Variants in GARS1 observed in about 807,000 individuals in gnomAD.
GARS1 encodes the protein glycyl-tRNA synthetase 1.
In GARS1, 46 loss-of-function variants were observed where a neutral mutation model predicts 86.4. The ratio of observed to expected loss-of-function variants is 0.53; its 90% CI spans 0.42 to 0.68. The LOEUF (loss-of-function observed/expected upper bound fraction) is 0.68, where lower values mean the gene tolerates loss of function less well. Among genes scored for constraint, GARS1 ranks in the 30% least tolerant of loss-of-function variants. GARS1 has a pLI of 0.00. For missense variants in GARS1, 797 were observed against 915.6 expected, an observed-to-expected ratio of 0.87 and a Z score of 1.67; for synonymous variants, 342 against 329.8, an observed-to-expected ratio of 1.04 and a Z score of -0.40.
chr7:30,628,254 G>T (rs574178047), intron 13 of GARS1, among the ~76,000 whole-genome samples: 34 of 150,926 alleles, frequency 2.3e-4, no homozygotes, highest in African/African-American at 8.0e-4. Flanking sequence ...GCACGATCTT[G>T]GTTCACTGCA....
intron 12 of GARS1, chr7:30,622,779 T>G (rs1783042343): frequency 8.2e-6 from 3 of 364,620 alleles, no homozygotes; most frequent in Non-Finnish European, 1.6e-5. Flanking sequence ...TTTAGAATAC[T>G]CTCTGTAATT....
intron 14 of GARS1, among the ~76,000 whole-genome samples, chr7:30,630,048 A>C (rs1783205476): frequency 6.6e-6 from 1 of 152,262 alleles, no homozygotes. Flanking sequence ...CATCATGAAG[A>C]GAAATTTGAT....
intron 9 of GARS1, 46 bp from the exon 10 acceptor site, chr7:30,617,066 ATG>A: frequency 6.3e-7 from 1 of 1,591,078 alleles, no homozygotes; most frequent in African/African-American, 1.3e-5. Flanking sequence ...AAGAGTATTA[ATG>A]TGTGTTTTCT....
At position 30,621,453 on chromosome 7, in the gene GARS1, C is replaced by A. The variant is rs113958280; in HGVS notation, c.1420C>A (p.Arg474=). 575 of 1,614,092 alleles carry A rather than the reference C, an allele frequency of 3.6e-4. 4 individuals carry two copies. In the African/African-American group the frequency reaches 6.6e-3, roughly 18 times the overall value. Residue 474 remains arginine (R), a synonymous_variant, in exon 11 of 17, where the codon CGA becomes AGA. Coordinates refer to ENST00000389266, the MANE Select transcript of GARS1 (RefSeq NM_002047.4). Reference sequence around the variant, plus strand: ...CTGTTATGACCTCTCCTGTCATGCACGAGCCACCAAAGTCCCACTTGTAGC... The same window carrying A: ...CTGTTATGACCTCTCCTGTCATGCAAGAGCCACCAAAGTCCCACTTGTAGC... ...RSCYDLSCHA[R]ATKVPLVAEK... is the part of the protein sequence containing the mutation.
In GARS1 at chr7:30,604,688, C is replaced by T. The variant is rs565604455; in HGVS notation, c.735+1116C>T. Among the ~76,000 whole-genome samples, 63 of 152,230 alleles carry T rather than the reference C, an allele frequency of 4.1e-4. No homozygotes were observed. In the South Asian group the frequency reaches 0.012, roughly 28 times the overall value. On this transcript the variant is annotated intron_variant, in intron 6 of 16. Coordinates refer to ENST00000389266, the MANE Select transcript of GARS1 (RefSeq NM_002047.4). ...GTAATTTTATCCCTTGCTTGAAGCTCATTGTTTTAGTAATTACTCATGGTT... is the reference window on the plus strand; with the variant it reads ...GTAATTTTATCCCTTGCTTGAAGCTTATTGTTTTAGTAATTACTCATGGTT...
chr7:30,596,124 A>G (rs1052552862), intron 1 of GARS1, among the ~76,000 whole-genome samples: 1 of 152,234 alleles, frequency 6.6e-6, no homozygotes, highest in Non-Finnish European at 1.5e-5. Context: ...AGTAAACACC[A>G]AACGGGTTTC....
At position 30,616,077 on chromosome 7, in the gene GARS1, C is replaced by T; in HGVS notation, c.1194+19C>T. ...TGAACAGGTAGGATTCTGGAGGTAA[C>T]TTAACTTAGATTGTGCCTGTTCAGG... On this transcript the variant is annotated intron_variant, in intron 9 of 16. Transcript: ENST00000389266. The T allele has an allele frequency of 1.2e-6, 2 of 1,613,950 alleles. No individual in the cohort carries two copies. Among genetic ancestry groups the T allele is most frequent in the Non-Finnish European group, 1.7e-6 (2 of 1,179,900 alleles).
chr7:30,616,195 A>T, intron 9 of GARS1, 137 bp downstream of exon 9: 1 of 883,626 alleles, frequency 1.1e-6, no homozygotes, highest in Non-Finnish European at 1.8e-6. Context: ...GGTTTTGTAC[A>T]GAATTTGTTA....
At chr7:30,630,859 C>A (rs775225879) in intron 14 of GARS1, among the ~76,000 whole-genome samples, 1 of 152,110 alleles carries the variant, frequency 6.6e-6, no homozygotes, top group Non-Finnish European at 1.5e-5. Flanking sequence ...TATTTCAGGG[C>A]AGTTTAAGAA....
chr7:30,614,243 G>C (rs1185506833), intron 8 of GARS1: 2 of 148,462 alleles, frequency 1.3e-5, no homozygotes, highest in Non-Finnish European at 1.5e-5. Flanking sequence ...TTTTTTTTTA[G>C]TGGTGAGATC....
At chr7:30,594,812 G>A (rs575067868), upstream of GARS1, 35 of 943,502 alleles carry the variant, frequency 3.7e-5, no homozygotes, top group African/African-American at 5.6e-4. Flanking sequence ...GTGAATGTGC[G>A]GCAGCACGCG....
At position 30,609,606 on chromosome 7, in the gene GARS1, G is replaced by A. The variant is rs760051768; in HGVS notation, c.757G>A (p.Glu253Lys). The change falls in exon 7 of 17, where the codon GAA (glutamate) becomes AAA (lysine). Residue 253 changes from glutamate (E) to lysine (K), a missense_variant. By Grantham distance (56) the Glu-to-Lys change is moderately conservative (BLOSUM62 1). Around this residue, in one of 2 missense-constraint regions of GARS1, gnomAD observed 598 missense variants for 738.7 expected, o/e 0.81. Coordinates refer to ENST00000389266, the MANE Select transcript of GARS1 (RefSeq NM_002047.4). ...TTAGCTTGATAACTATGGACAGCAA[G>A]AACTTGCGGATCTTTTTGTGAACTA... ...LAQLDNYGQQ[E>K]LADLFVNYNV... The A allele has an allele frequency of 2.9e-5, 47 of 1,613,064 alleles. No individual in the cohort carries two copies. The highest frequency in any genetic ancestry group is 3.1e-5 in the Non-Finnish European group (37 of 1,179,388).
At chr7:30,596,320 AC>A (rs3840589) in intron 1 of GARS1, among the ~76,000 whole-genome samples, 2 of 152,312 alleles carry the variant, frequency 1.3e-5, no homozygotes, top group East Asian at 3.9e-4. Flanking sequence ...CACGGGCTTA[AC>A]TTTTTTCTTC....
intron 10 of GARS1, among the ~76,000 whole-genome samples, chr7:30,619,568 A>G (rs1207894570): frequency 6.6e-6 from 1 of 152,136 alleles, no homozygotes; most frequent in East Asian, 1.9e-4. Context: ...TATATGGTTA[A>G]GAACATAAGT....
At chr7:30,606,761 T>TA (rs1359696347) in intron 6 of GARS1, among the ~76,000 whole-genome samples, 5 of 152,220 alleles carry the variant, frequency 3.3e-5, no homozygotes, top group Non-Finnish European at 7.4e-5. Flanking sequence ...ACTTGGTACT[T>TA]ATTAGTGGGG....
chr7:30,599,139 C>T (rs1229609307), intron 2 of GARS1, among the ~76,000 whole-genome samples: 1 of 152,156 alleles, frequency 6.6e-6, no homozygotes, highest in Non-Finnish European at 1.5e-5. Context: ...GGACTCAATA[C>T]GCTATATGAA....
At chr7:30,602,097 T>C (rs1052997703) in intron 4 of GARS1, among the ~76,000 whole-genome samples, 3 of 151,172 alleles carry the variant, frequency 2.0e-5, no homozygotes, top group Non-Finnish European at 4.4e-5. Context: ...TATTTATTTA[T>C]TTATTTTTTG....
At position 30,603,505 on chromosome 7, in the gene GARS1, A is replaced by G. The variant is rs750901652; in HGVS notation, c.668A>G (p.Gln223Arg). ...RADHLLKAHL[Q>R]KLMSDKKCSV... ...AACACTGTTCTTACAGCTCATTTAC[A>G]GAAATTGATGTCTGATAAGAAGTGT... The change falls in exon 6 of 17, where the codon CAG becomes CGG. Residue 223 changes from glutamine (Q) to arginine (R), a missense_variant. This residue lies in a region of GARS1 where 598 missense variants were observed against 738.7 expected (regional missense o/e 0.81). Coordinates refer to ENST00000389266, the MANE Select transcript of GARS1 (RefSeq NM_002047.4). The G allele has an allele frequency of 2.5e-6, 4 of 1,613,532 alleles. No individual in the cohort carries two copies. The highest frequency in any genetic ancestry group is 4.5e-5 in the East Asian group (2 of 44,858).
chr7:30,600,964 T>G, intron 3 of GARS1, 95 bp from the exon 4 acceptor site: 1 of 1,154,296 alleles, frequency 8.7e-7, no homozygotes, highest in Non-Finnish European at 1.3e-6. Context: ...TGAATACACT[T>G]TTAGGGAGTA....
Sources: allele counts gnomAD v4.1 joint callset (sites outside exome capture counted in the v4.1 genomes callset), GRCh38; gene constraint gnomAD v4.1.1; regional missense constraint gnomAD v4.1.1; transcripts MANE v1.5; gene names NCBI Gene and HGNC (gene_info 2026-07-23, HGNC 2026-07-21).